Variants in PTPRM observed in about 807,000 individuals in gnomAD.
PTPRM encodes protein tyrosine phosphatase receptor type M.
A neutral mutation model predicts 186.7 loss-of-function variants in PTPRM; 47 were observed. The observed-to-expected ratio is 0.25, with a 90% confidence interval of 0.20 to 0.32. PTPRM has a LOEUF of 0.32. Ranked by LOEUF, PTPRM falls within the 10% of genes least tolerant of loss-of-function variation. PTPRM has a pLI of 1.00. For synonymous variants in PTPRM, 668 were observed against 674.9 expected (o/e 0.99, Z 0.16); for missense variants, 1,494 against 1,865.0 (o/e 0.80, Z 3.66).
chr18:7,976,141 C>T (rs1169792513), intron 7 of PTPRM, among the ~76,000 whole-genome samples: 1 of 152,044 alleles, frequency 6.6e-6, no homozygotes, highest in Non-Finnish European at 1.5e-5. Flanking sequence ...TGCATTCCAG[C>T]CGGGAGACAG....
At chr18:8,172,159 C>T (rs1331651349) in intron 14 of PTPRM, among the ~76,000 whole-genome samples, 1 of 151,968 alleles carries the variant, frequency 6.6e-6, no homozygotes, top group East Asian at 1.9e-4. Flanking sequence ...TTAATGGACT[C>T]ACAGTTCTAC....
chr18:8,076,372 T>C, intron 8 of PTPRM, 83 bp from the exon 9 acceptor site: 1 of 782,012 alleles, frequency 1.3e-6, no homozygotes, highest in Non-Finnish European at 2.1e-6. Context: ...TTTCTCTCAA[T>C]AGAAGGTTAA....
chr18:8,114,883 A>C (rs556914576), intron 13 of PTPRM, 56 bp downstream of exon 13: 7 of 1,491,258 alleles, frequency 4.7e-6, no homozygotes, highest in South Asian at 1.2e-5. Context: ...AGTTTATTTT[A>C]ACCTATGTTT....
chr18:8,381,518 C>A (rs993895914), intron 29 of PTPRM, among the ~76,000 whole-genome samples: 2 of 152,134 alleles, frequency 1.3e-5, no homozygotes, highest in African/African-American at 4.8e-5. Flanking sequence ...ATGTCTGAGG[C>A]ACTGCATTAT....
At chr18:7,722,251 T>C (rs1198913488) in intron 1 of PTPRM, among the ~76,000 whole-genome samples, 1 of 152,204 alleles carries the variant, frequency 6.6e-6, no homozygotes, top group African/African-American at 2.4e-5. Context: ...AATCATACAG[T>C]GTATAGTCTT....
chr18:7,820,686 T>G (rs937644524), intron 2 of PTPRM, among the ~76,000 whole-genome samples: 1 of 152,128 alleles, frequency 6.6e-6, no homozygotes, highest in Non-Finnish European at 1.5e-5. Flanking sequence ...AGGCCTCTTA[T>G]GTTGCCAGGC....
intron 1 of PTPRM, among the ~76,000 whole-genome samples, chr18:7,713,575 C>A (rs2040257390): frequency 1.3e-5 from 2 of 151,392 alleles, no homozygotes; most frequent in Admixed American, 1.3e-4. Context: ...CACAGGCTGA[C>A]AAATTGGATA....
chr18:8,168,597 T>C (rs2093355638), intron 14 of PTPRM, among the ~76,000 whole-genome samples: 1 of 152,212 alleles, frequency 6.6e-6, no homozygotes, highest in African/African-American at 2.4e-5. Flanking sequence ...TTAAAATAAC[T>C]GTTTTCTAAA....
intron 1 of PTPRM, among the ~76,000 whole-genome samples, chr18:7,748,630 C>A (rs75643064): frequency 0.036 from 5,504 of 152,260 alleles, 323 homozygotes; most frequent in African/African-American, 0.12. Flanking sequence ...TTATTTAACC[C>A]ACTGACATTT....
rs192865852 is a variant in PTPRM at position 7,676,807 on chromosome 18, C to T, written c.74-97342C>T. The stretch of plus-strand genomic sequence containing the variant: ...TTGAATGTGCCAGATTATTTAAAAA[C>T]TGGAACAATATAACAGATGTTTTTT... On this transcript the variant is annotated intron_variant, in intron 1 of 32. Transcript: ENST00000580170. Among the ~76,000 whole-genome samples the T allele has an allele frequency of 4.6e-5, 7 of 152,296 alleles. No homozygotes were observed. The East Asian group carries it at 1.3e-3, about 29-fold the overall frequency.
At chr18:8,186,000 G>T (rs1470245699) in intron 14 of PTPRM, among the ~76,000 whole-genome samples, 1 of 152,160 alleles carries the variant, frequency 6.6e-6, no homozygotes, top group Non-Finnish European at 1.5e-5. Flanking sequence ...TGGACATTTT[G>T]TGAAGAGATA....
rs541401222 is a variant in PTPRM, at chr18:7,787,062, C to G, written c.196+12791C>G. ...ATTACAAATAATTGGTTTTATACAT[C>G]AGTCAAACAAAGACTTTTAGAGGGC... On this transcript the variant is annotated intron_variant, in intron 2 of 32. Coordinates refer to ENST00000580170, the MANE Select transcript of PTPRM (RefSeq NM_001105244.2). Among the ~76,000 whole-genome samples, 19 of 152,272 alleles carry G rather than the reference C, an allele frequency of 1.2e-4. No homozygotes were observed. The East Asian group carries it at 3.7e-3, about 29-fold the overall frequency.
chr18:8,344,760 T>G (rs1568793551), intron 23 of PTPRM, among the ~76,000 whole-genome samples: 1 of 151,946 alleles, frequency 6.6e-6, no homozygotes, highest in Non-Finnish European at 1.5e-5. Flanking sequence ...CACCAGTCTT[T>G]GTGATCTTGG....
chr18:8,068,220 A>G (rs528804969), intron 7 of PTPRM, among the ~76,000 whole-genome samples: 43 of 152,360 alleles, frequency 2.8e-4, no homozygotes, highest in African/African-American at 1.0e-3. Flanking sequence ...TGTAGCTTTT[A>G]TATCTCAAGT....
Position 7,804,496 on chromosome 18 carries a change from A to G in PTPRM, c.196+30225A>G, listed in dbSNP as rs560585769. The stretch of plus-strand genomic sequence containing the variant: ...CCAAAATTCAATTAAAACTGTTTAA[A>G]TGGGGCCACTGTGTAAATTTCTTTG... On this transcript the variant is annotated intron_variant, in intron 2 of 32. Transcript: ENST00000580170. Among the ~76,000 whole-genome samples the G allele has an allele frequency of 4.6e-5, 7 of 152,328 alleles. 1 individual carries two copies. In the South Asian group the frequency reaches 1.4e-3, roughly 32 times the overall value.
intron 4 of PTPRM, among the ~76,000 whole-genome samples, chr18:7,923,538 A>G (rs2050992471): frequency 6.6e-6 from 1 of 152,212 alleles, no homozygotes; most frequent in Admixed American, 6.5e-5. Flanking sequence ...GACAAAGTTT[A>G]TTTTCACAGG....
At chr18:8,056,142 A>C (rs1419721853) in intron 7 of PTPRM, among the ~76,000 whole-genome samples, 1 of 152,172 alleles carries the variant, frequency 6.6e-6, no homozygotes, top group Non-Finnish European at 1.5e-5. Context: ...TAATTTATCT[A>C]ATTATTTGAT....
intron 2 of PTPRM, among the ~76,000 whole-genome samples, chr18:7,856,849 G>A (rs745325925): frequency 1.1e-4 from 17 of 152,138 alleles, no homozygotes; most frequent in Non-Finnish European, 2.5e-4. Flanking sequence ...ATAAGAGGCA[G>A]TATCAGTATT....
chr18:7,976,994 T>G (rs527826130), intron 7 of PTPRM, among the ~76,000 whole-genome samples: 126 of 152,184 alleles, frequency 8.3e-4, no homozygotes, highest in Middle Eastern at 3.4e-3. Flanking sequence ...AAGATTTAAC[T>G]ATGGGGATCA....
Sources: allele counts gnomAD v4.1 joint callset (sites outside exome capture counted in the v4.1 genomes callset), GRCh38; gene constraint gnomAD v4.1.1; transcripts MANE v1.5; gene names NCBI Gene and HGNC (gene_info 2026-07-23, HGNC 2026-07-21).